Variants in FILIP1L observed in about 807,000 individuals in gnomAD.
FILIP1L encodes the protein filamin A-interacting protein 1-like.
Under a neutral mutation model 96.6 loss-of-function variants are expected in FILIP1L, and 55 were observed. The ratio of observed to expected loss-of-function variants is 0.57; its 90% CI spans 0.46 to 0.71. FILIP1L has a LOEUF of 0.71. Ranked by LOEUF, FILIP1L falls within the 30% of genes least tolerant of loss-of-function variation. The probability of loss-of-function intolerance (pLI) is 0.00; values close to 1 mark genes in which losing one functional copy is unlikely to be tolerated. For synonymous variants in FILIP1L, 467 were observed against 473.9 expected (o/e 0.99, Z 0.19); for missense variants, 1,304 against 1,321.2 (o/e 0.99, Z 0.20).
intron 1 of FILIP1L, among the ~76,000 whole-genome samples, chr3:99,941,000 A>T (rs1047291435): frequency 6.6e-6 from 1 of 152,242 alleles, no homozygotes; most frequent in African/African-American, 2.4e-5. Flanking sequence ...CCCCTTTCCC[A>T]GCATCTCAGG....
rs531832194 is a variant in FILIP1L at position 99,943,699 on chromosome 3, G to A, written c.-10-12669C>T. ...AGCCTGGGCAACAGAATGAGACTCCGTCTCAAAAAAAAAAAAATTACATCT... is the reference window on the plus strand; with the variant it reads ...AGCCTGGGCAACAGAATGAGACTCCATCTCAAAAAAAAAAAAATTACATCT... On this transcript the variant is annotated intron_variant, in intron 1 of 5. Transcript: ENST00000477258. Among the ~76,000 whole-genome samples the A allele has an allele frequency of 4.0e-5, 6 of 151,238 alleles. No homozygotes were observed. In the South Asian group the frequency reaches 1.0e-3, roughly 26 times the overall value.
chr3:100,106,240 C>T (rs375017346), intron 1 of FILIP1L, among the ~76,000 whole-genome samples: 1 of 152,240 alleles, frequency 6.6e-6, no homozygotes. Flanking sequence ...AGCAGAGGTG[C>T]AAGCTTCCAG....
intron 1 of FILIP1L, among the ~76,000 whole-genome samples, chr3:99,939,061 A>G (rs1467157027): frequency 6.6e-6 from 1 of 152,206 alleles, no homozygotes; most frequent in African/African-American, 2.4e-5. Context: ...TCTTTAGACA[A>G]GGGATTGGAA....
intron 1 of FILIP1L, among the ~76,000 whole-genome samples, chr3:99,993,766 C>G (rs1371076976): frequency 1.3e-5 from 2 of 152,080 alleles, no homozygotes; most frequent in African/African-American, 4.8e-5. Flanking sequence ...GTTGATGTGA[C>G]ATATCATGTT....
intron 2 of FILIP1L, among the ~76,000 whole-genome samples, chr3:99,930,289 A>G (rs569274369): frequency 6.6e-6 from 1 of 152,342 alleles, no homozygotes; most frequent in Non-Finnish European, 1.5e-5. Flanking sequence ...ACAAGCAGAT[A>G]TCATGATATC....
rs9879459 is a variant in FILIP1L at position 99,986,170 on chromosome 3, C to G, written c.-10-55140G>C. ...TTTTATTTTAATAAGAACCAGATAT[C>G]TCAAATATGTTCAAATTATAAGATG... On this transcript the variant is annotated intron_variant, in intron 1 of 5. Transcript: ENST00000477258. 5.0e-3 allele frequency among the ~76,000 whole-genome samples: 762 copies of G among 152,232 alleles called. 5 individuals carry two copies. Among genetic ancestry groups the G allele is most frequent in the African/African-American group, 0.017 (716 of 41,532 alleles).
At chr3:99,836,008 G>C (rs893360425) in intron 5 of FILIP1L, among the ~76,000 whole-genome samples, 2 of 152,154 alleles carry the variant, frequency 1.3e-5, no homozygotes, top group Non-Finnish European at 1.5e-5. Context: ...TATGTCCAGA[G>C]TTTCAAAGGG....
chr3:100,087,094 A>G (rs2066022335), intron 1 of FILIP1L, among the ~76,000 whole-genome samples: 1 of 152,188 alleles, frequency 6.6e-6, no homozygotes, highest in African/African-American at 2.4e-5. Flanking sequence ...TTGCTAATCC[A>G]ATTACGAGTT....
In FILIP1L at chr3:100,044,979, A is replaced by G. The variant is rs149099547; in HGVS notation, c.-11+69074T>C. Among the ~76,000 whole-genome samples, 1,099 of 152,312 alleles carry G rather than the reference A, an allele frequency of 7.2e-3. 4 individuals carry two copies. The highest frequency in any genetic ancestry group is 0.01 in the African/African-American group (418 of 41,566). On this transcript the variant is annotated intron_variant, in intron 1 of 5. Transcript: ENST00000477258. ...GTTTCCTGAAGTTAAGAACATTTAG[A>G]GGAGAGTCTAGCCTGGGCGTAGAGA...
chr3:99,844,254 A>G (rs1266978883), intron 5 of FILIP1L, among the ~76,000 whole-genome samples: 1 of 152,148 alleles, frequency 6.6e-6, no homozygotes, highest in Non-Finnish European at 1.5e-5. Flanking sequence ...TCTGGGCCCT[A>G]CGCCCCCAGA....
intron 1 of FILIP1L, among the ~76,000 whole-genome samples, chr3:100,085,821 T>C (rs2066000279): frequency 6.6e-6 from 1 of 152,228 alleles, no homozygotes; most frequent in African/African-American, 2.4e-5. Context: ...TCACTCTGTG[T>C]TTCTCTGGAG....
At chr3:99,876,588 G>A (rs1479586351) in intron 4 of FILIP1L, among the ~76,000 whole-genome samples, 1 of 152,160 alleles carries the variant, frequency 6.6e-6, no homozygotes. Context: ...GGGGGTAGGC[G>A]GGAGAGGGAA....
intron 1 of FILIP1L, among the ~76,000 whole-genome samples, chr3:100,043,804 G>A (rs986997291): frequency 6.6e-6 from 1 of 152,082 alleles, no homozygotes; most frequent in African/African-American, 2.4e-5. Context: ...TTATTTTATT[G>A]TGACAAGAAC....
At chr3:100,021,952 T>TGA (rs2064828533) in intron 1 of FILIP1L, among the ~76,000 whole-genome samples, 6 of 111,458 alleles carry the variant, frequency 5.4e-5, no homozygotes, top group African/African-American at 2.0e-4. Flanking sequence ...TGTGTGTGTG[T>TGA]GTGTGTGTGA....
At chr3:99,979,235 AT>A in intron 1 of FILIP1L, among the ~76,000 whole-genome samples, 1 of 152,310 alleles carries the variant, frequency 6.6e-6, no homozygotes, top group African/African-American at 2.4e-5. Context: ...AAATAAATAA[AT>A]TTTCAAAAAC....
At chr3:99,934,833 A>G (rs980904760) in intron 1 of FILIP1L, among the ~76,000 whole-genome samples, 1 of 152,228 alleles carries the variant, frequency 6.6e-6, no homozygotes, top group African/African-American at 2.4e-5. Context: ...AAACATTTTT[A>G]TACTGTGTTT....
intron 1 of FILIP1L, among the ~76,000 whole-genome samples, chr3:99,978,855 A>C (rs1709042064): frequency 6.6e-6 from 1 of 152,134 alleles, no homozygotes; most frequent in African/African-American, 2.4e-5. Context: ...ACTGCACTCC[A>C]GCCTGGGCAA....
chr3:99,898,424 T>C (rs1706328559), intron 4 of FILIP1L: 1 of 152,202 alleles, frequency 6.6e-6, no homozygotes. Context: ...TGTTTTGTGG[T>C]GACAAATTTC....
chr3:99,929,946 T>C lies in FILIP1L; in HGVS notation c.336A>G (p.Pro112=), dbSNP rs1207914857. 1 of 1,614,146 alleles carries C rather than the reference T, an allele frequency of 6.2e-7. No homozygotes were observed. Among genetic ancestry groups the C allele is most frequent in the East Asian group, 2.2e-5 (1 of 44,880 alleles). ...LLEAQYGFVT[P]KKVLEALQRD... ...TCTGGAGAGCCTCTAACACCTTTTT[T>C]GGAGTGACAAACCCATACTGAGCTT... Residue 112 remains proline, a synonymous_variant, in exon 3 of 6, where the codon CCA becomes CCG. Transcript: ENST00000477258.
Sources: allele counts gnomAD v4.1 joint callset (sites outside exome capture counted in the v4.1 genomes callset), GRCh38; gene constraint gnomAD v4.1.1; transcripts MANE v1.5; gene names NCBI Gene and HGNC (gene_info 2026-07-23, HGNC 2026-07-21).